Variants in CD2AP observed in about 807,000 individuals in gnomAD.
The protein encoded by CD2AP is CD2 associated protein.
In CD2AP, 46 loss-of-function variants were observed where a neutral mutation model predicts 85.1. The ratio of observed to expected loss-of-function variants is 0.54; its 90% CI spans 0.43 to 0.69. The LOEUF (loss-of-function observed/expected upper bound fraction) is 0.69. Ranked by LOEUF, CD2AP falls within the 30% of genes least tolerant of loss-of-function variation. The pLI is 0.00. For synonymous variants in CD2AP, 255 were observed against 252.9 expected (o/e 1.01, Z -0.08); for missense variants, 769 against 729.5 (o/e 1.05, Z -0.62).
intron 1 of CD2AP, among the ~76,000 whole-genome samples, chr6:47,500,098 T>G (rs1464532041): frequency 1.3e-5 from 2 of 152,228 alleles, no homozygotes; most frequent in Non-Finnish European, 2.9e-5. Context: ...TCTACATTTC[T>G]CAGTATTCAT....
intron 11 of CD2AP, among the ~76,000 whole-genome samples, chr6:47,585,262 C>T (rs1199300872): frequency 1.3e-5 from 2 of 151,420 alleles, no homozygotes; most frequent in Non-Finnish European, 2.9e-5. Context: ...GATATTGCGC[C>T]ACTGCACTCC....
intron 11 of CD2AP, among the ~76,000 whole-genome samples, chr6:47,587,996 A>G (rs868177418): frequency 1.5e-4 from 23 of 152,270 alleles, no homozygotes; most frequent in Middle Eastern, 6.8e-3. Context: ...ATTCCCAGTC[A>G]GTGGATGGAT....
At chr6:47,598,924 TAA>T (rs1342599766) in intron 12 of CD2AP, among the ~76,000 whole-genome samples, 1 of 150,208 alleles carries the variant, frequency 6.7e-6, no homozygotes, top group African/African-American at 2.4e-5. Context: ...TCTAAAATAA[TAA>T]AAAAAATTTA....
intron 1 of CD2AP, among the ~76,000 whole-genome samples, chr6:47,484,046 A>C (rs1765508479): frequency 6.6e-6 from 1 of 151,894 alleles, no homozygotes; most frequent in South Asian, 2.1e-4. Context: ...TATTAGAAAG[A>C]CCTTTTTTGT....
At chr6:47,585,475 C>T (rs1161182491) in intron 11 of CD2AP, among the ~76,000 whole-genome samples, 1 of 152,178 alleles carries the variant, frequency 6.6e-6, no homozygotes, top group East Asian at 1.9e-4. Flanking sequence ...GTATAAGTCA[C>T]TGTGACACTG....
At chr6:47,591,784 A>G (rs1424779396) in intron 11 of CD2AP, among the ~76,000 whole-genome samples, 1 of 152,052 alleles carries the variant, frequency 6.6e-6, no homozygotes, top group Non-Finnish European at 1.5e-5. Context: ...CATTTTAGAC[A>G]TTTTTGTTAA....
intron 2 of CD2AP, among the ~76,000 whole-genome samples, chr6:47,532,059 G>A (rs180745589): frequency 7.2e-4 from 107 of 148,478 alleles, no homozygotes; most frequent in Non-Finnish European, 1.3e-3. Flanking sequence ...GGGCAACAGA[G>A]TGAGACTCCT....
chr6:47,594,811 T>C (rs1221379869), intron 11 of CD2AP, among the ~76,000 whole-genome samples: 2 of 151,976 alleles, frequency 1.3e-5, no homozygotes, highest in Admixed American at 6.6e-5. Context: ...AGTGAGAAAA[T>C]AGTATTTTGT....
At chr6:47,564,567 T>A (rs1173717012) in intron 5 of CD2AP, among the ~76,000 whole-genome samples, 3 of 152,152 alleles carry the variant, frequency 2.0e-5, no homozygotes, top group African/African-American at 7.2e-5. Flanking sequence ...ACAATAACTG[T>A]TCATTCTAAA....
chr6:47,582,579 G>C (rs1244474898), intron 11 of CD2AP, among the ~76,000 whole-genome samples: 1 of 152,136 alleles, frequency 6.6e-6, no homozygotes, highest in Non-Finnish European at 1.5e-5. Context: ...GATTTGCAAT[G>C]ATTGTCACTA....
intron 1 of CD2AP, among the ~76,000 whole-genome samples, chr6:47,491,279 G>T (rs201416726): frequency 2.7e-5 from 1 of 37,686 alleles, no homozygotes; most frequent in Non-Finnish European, 5.2e-5. Context: ...GTATGTGTGT[G>T]TGTGTGTGTG....
At chr6:47,479,891 A>T (rs1765402234) in intron 1 of CD2AP, among the ~76,000 whole-genome samples, 1 of 150,360 alleles carries the variant, frequency 6.7e-6, no homozygotes, top group Non-Finnish European at 1.5e-5. Flanking sequence ...TCCTTTTCTA[A>T]TTTTTTTTTA....
At chr6:47,589,680 A>G (rs1200322560) in intron 11 of CD2AP, among the ~76,000 whole-genome samples, 2 of 151,792 alleles carry the variant, frequency 1.3e-5, no homozygotes, top group African/African-American at 4.8e-5. Context: ...AAAGTCTGGC[A>G]TTGGGGCTCA....
At chr6:47,566,388 A>G (rs546182833) in intron 5 of CD2AP, among the ~76,000 whole-genome samples, 1 of 149,580 alleles carries the variant, frequency 6.7e-6, no homozygotes, top group East Asian at 2.0e-4. Context: ...ATGGTCTCTG[A>G]TATGTTGATG....
intron 2 of CD2AP, among the ~76,000 whole-genome samples, chr6:47,505,011 C>CTTTTTTTTTTT (rs58060161): frequency 9.5e-5 from 9 of 95,114 alleles, no homozygotes; most frequent in South Asian, 4.1e-4. Context: ...GTGGCAGTTT[C>CTTTTTTTTTTT]TTTTTTTTTT....
At position 47,610,971 on chromosome 6, in the gene CD2AP, A is replaced by ATATT; in HGVS notation, c.1815-1501_1815-1500insATTT. On this transcript the variant is annotated intron_variant, in intron 16 of 17. Transcript: ENST00000359314. Reference sequence around the variant, plus strand: ...GATTTATATATATATATATATATGTATTTTTTTTTTTTTTTGAATATAAAA... The same window carrying ATATT: ...GATTTATATATATATATATATATGTATATTTTTTTTTTTTTTTTTGAATATAAAA... 8.0e-4 allele frequency among the ~76,000 whole-genome samples: 90 copies of ATATT among 112,864 alleles called. 1 individual carries two copies. The highest frequency in any genetic ancestry group is 3.1e-3 in the African/African-American group (85 of 27,840). The allele number at this position is 112,864 out of a possible 152,430, so 74.0% of individuals were successfully genotyped here. A position where few individuals can be genotyped will look rare whatever the true frequency, so the allele number is the denominator to read the frequency against.
chr6:47,495,384 A>G (rs919840901), intron 1 of CD2AP, among the ~76,000 whole-genome samples: 3 of 152,138 alleles, frequency 2.0e-5, no homozygotes, highest in Non-Finnish European at 2.9e-5. Context: ...CAGAAGCCAG[A>G]TAGGGGCATG....
At chr6:47,605,164 T>C (rs1769235773) in intron 13 of CD2AP, among the ~76,000 whole-genome samples, 8 of 151,982 alleles carry the variant, frequency 5.3e-5, no homozygotes, top group Admixed American at 5.3e-4. Flanking sequence ...TTAATACAGA[T>C]CTGGACGATT....
chr6:47,548,055 T>TA (rs1489511519), intron 4 of CD2AP, among the ~76,000 whole-genome samples: 1 of 152,122 alleles, frequency 6.6e-6, no homozygotes, highest in Non-Finnish European at 1.5e-5. Flanking sequence ...ACCTAACTTT[T>TA]AACTTAAAAG....
Sources: gnomAD v4.1 joint callset for allele counts (sites outside exome capture counted in the v4.1 genomes callset) on GRCh38, gnomAD v4.1.1 for gene constraint, MANE v1.5 for transcripts, NCBI Gene and HGNC (gene_info 2026-07-23, HGNC 2026-07-21) for gene names.